Variants in TCF12 observed in about 807,000 individuals in gnomAD.
The protein encoded by TCF12 is transcription factor 12, also known as DNA-binding protein HTF4.
TCF12 carries 45 observed loss-of-function variants against 86.0 expected under a neutral mutation model. The ratio of observed to expected loss-of-function variants is 0.52; its 90% CI spans 0.41 to 0.67. The LOEUF is 0.67. Among genes scored for constraint, TCF12 ranks in the 30% least tolerant of loss-of-function variants. The probability of loss-of-function intolerance (pLI) is 0.00; values close to 1 mark genes in which losing one functional copy is unlikely to be tolerated. For missense variants in TCF12, 881 were observed against 859.9 expected, an observed-to-expected ratio of 1.02 and a Z score of -0.31; for synonymous variants, 330 against 299.6, an observed-to-expected ratio of 1.10 and a Z score of -1.05.
chr15:57,156,380 T>C (rs1306535546), intron 5 of TCF12, among the ~76,000 whole-genome samples: 8 of 152,226 alleles, frequency 5.3e-5, no homozygotes, highest in Non-Finnish European at 8.8e-5. Context: ...TAATGACTTA[T>C]GTATCTCACA....
chr15:57,038,594 C>T (rs1459813993), intron 3 of TCF12, among the ~76,000 whole-genome samples: 3 of 152,082 alleles, frequency 2.0e-5, no homozygotes, highest in Admixed American at 1.3e-4. Flanking sequence ...TTCATACCTT[C>T]GCATTCTTGC....
intron 18 of TCF12, among the ~76,000 whole-genome samples, chr15:57,264,404 T>G (rs919428081): frequency 1.3e-5 from 2 of 151,758 alleles, no homozygotes; most frequent in African/African-American, 4.8e-5. Flanking sequence ...TTTCACCATG[T>G]TGGCCAGGCA....
intron 3 of TCF12, among the ~76,000 whole-genome samples, chr15:56,964,767 C>G (rs2061929873): frequency 6.6e-6 from 1 of 152,054 alleles, no homozygotes; most frequent in Admixed American, 6.6e-5. Flanking sequence ...AATAAAGGAC[C>G]AGGCACATAG....
chr15:56,919,882 T>A lies in TCF12; in HGVS notation c.-22-10T>A. 8 of 1,613,156 alleles carry A rather than the reference T, an allele frequency of 5.0e-6. No individual in the cohort carries two copies. Among genetic ancestry groups the A allele is most frequent in the Non-Finnish European group, 6.8e-6 (8 of 1,179,452 alleles). ...GTGGTCTCTCGCTGAGCCCGTTTCC[T>A]CTGCCCTAGGACCTGCTAGAAGTGG... On this transcript the variant is annotated splice_polypyrimidine_tract_variant and intron_variant, in intron 1 of 20. Coordinates refer to ENST00000333725, the MANE Select transcript of TCF12 (RefSeq NM_207037.2).
downstream of TCF12, among the ~76,000 whole-genome samples, chr15:57,290,383 C>G (rs1332324179): frequency 6.6e-6 from 1 of 151,450 alleles, no homozygotes; most frequent in East Asian, 1.9e-4. Flanking sequence ...TAGGCTTTGC[C>G]CAGTCACACT....
chr15:57,084,278 A>C (rs1415702802), intron 4 of TCF12, among the ~76,000 whole-genome samples: 1 of 152,204 alleles, frequency 6.6e-6, no homozygotes, highest in Non-Finnish European at 1.5e-5. Context: ...GTAACATTTT[A>C]ACTGTTAATT....
intron 4 of TCF12, among the ~76,000 whole-genome samples, chr15:57,089,968 G>T (rs1042902283): frequency 2.6e-5 from 4 of 152,080 alleles, no homozygotes; most frequent in Non-Finnish European, 4.4e-5. Context: ...TAATTCCAGC[G>T]CTTTGGGAGG....
chr15:57,027,927 C>G (rs978429555), intron 3 of TCF12, among the ~76,000 whole-genome samples: 5 of 152,094 alleles, frequency 3.3e-5, no homozygotes, highest in African/African-American at 1.2e-4. Context: ...TGACACCTCC[C>G]TAGGCATGTG....
chr15:57,148,463 A>G (rs1258900050), intron 5 of TCF12, among the ~76,000 whole-genome samples: 1 of 152,038 alleles, frequency 6.6e-6, no homozygotes, highest in Non-Finnish European at 1.5e-5. Context: ...TGCTGTGACA[A>G]AAGAACAATT....
intron 3 of TCF12, among the ~76,000 whole-genome samples, chr15:56,946,211 C>G (rs1183930568): frequency 1.3e-5 from 2 of 152,144 alleles, no homozygotes; most frequent in Non-Finnish European, 2.9e-5. Flanking sequence ...TCTTACCTTT[C>G]CTTCTAGGAC....
intron 3 of TCF12, among the ~76,000 whole-genome samples, chr15:57,058,065 CA>C (rs2068167373): frequency 6.6e-6 from 1 of 152,148 alleles, no homozygotes; most frequent in Admixed American, 6.5e-5. Context: ...GAGCCTTTGT[CA>C]GTCTTGGAAT....
chr15:57,017,860 C>A (rs968004808), intron 3 of TCF12, among the ~76,000 whole-genome samples: 1 of 149,340 alleles, frequency 6.7e-6, no homozygotes, highest in Admixed American at 6.8e-5. Flanking sequence ...TATATTTCTT[C>A]TTCTTCACCC....
intron 5 of TCF12, among the ~76,000 whole-genome samples, chr15:57,104,449 T>C (rs1596545302): frequency 1.4e-5 from 2 of 146,720 alleles, no homozygotes; most frequent in East Asian, 2.0e-4. Flanking sequence ...TTTTTTTTTT[T>C]TTTTTTTTTT....
At chr15:57,219,717 T>TTTC in intron 8 of TCF12, 1 of 685,000 alleles carries the variant, frequency 1.5e-6, no homozygotes, top group Non-Finnish European at 2.1e-6. Context: ...AGATTGTAGA[T>TTTC]TTCTTTTTTT....
At chr15:56,985,621 T>G (rs1377038670) in intron 3 of TCF12, among the ~76,000 whole-genome samples, 1 of 152,184 alleles carries the variant, frequency 6.6e-6, no homozygotes, top group African/African-American at 2.4e-5. Flanking sequence ...ATTTGAGCCA[T>G]GTAAATTAAG....
At chr15:57,233,010 GTTATATA>G (rs2059215511) in intron 11 of TCF12, among the ~76,000 whole-genome samples, 154 bp downstream of exon 11, 5 of 134,714 alleles carry the variant, frequency 3.7e-5, no homozygotes, top group Non-Finnish European at 8.4e-5. Flanking sequence ...GTATATATGT[GTTATATA>G]TGTATATATG....
intron 3 of TCF12, among the ~76,000 whole-genome samples, chr15:57,016,847 A>G (rs2065179627): frequency 6.6e-6 from 1 of 152,058 alleles, no homozygotes; most frequent in African/African-American, 2.4e-5. Context: ...GTGTATATGG[A>G]GAGAGAATTT....
chr15:56,940,968 C>T (rs936137089), intron 3 of TCF12, among the ~76,000 whole-genome samples: 4 of 148,400 alleles, frequency 2.7e-5, no homozygotes, highest in Admixed American at 2.7e-4. Context: ...ACTATGTTGA[C>T]CAGGCTGGTC....
intron 13 of TCF12, chr15:57,248,159 A>C (rs1203221012): frequency 2.9e-6 from 2 of 699,296 alleles, no homozygotes; most frequent in Non-Finnish European, 2.6e-6. Flanking sequence ...CCTCTTAAAC[A>C]GATTTCCCCT....
Sources: allele counts gnomAD v4.1 joint callset (sites outside exome capture counted in the v4.1 genomes callset), GRCh38; gene constraint gnomAD v4.1.1; transcripts MANE v1.5; gene names NCBI Gene and HGNC (gene_info 2026-07-23, HGNC 2026-07-21).